PDGFC: variants seen among roughly 807,000 people sequenced by gnomAD.
PDGFC encodes the protein platelet derived growth factor C.
A neutral mutation model predicts 35.5 loss-of-function variants in PDGFC; 12 were observed. That is an observed-to-expected ratio of 0.34 (90% CI 0.22 to 0.55). PDGFC has a LOEUF of 0.55. Among genes scored for constraint, PDGFC ranks in the 20% least tolerant of loss-of-function variants. The pLI is 0.91. For missense variants in PDGFC, 322 were observed against 412.4 expected, an observed-to-expected ratio of 0.78 and a Z score of 1.90; for synonymous variants, 159 against 148.8, an observed-to-expected ratio of 1.07 and a Z score of -0.50.
chr4:156,778,716 A>C (rs970940591), intron 3 of PDGFC, among the ~76,000 whole-genome samples: 2 of 152,198 alleles, frequency 1.3e-5, no homozygotes, highest in African/African-American at 4.8e-5. Context: ...TTTTGTGGCC[A>C]GTGCAATTTT....
chr4:156,826,706 T>C (rs541849844), intron 2 of PDGFC, among the ~76,000 whole-genome samples: 53 of 152,310 alleles, frequency 3.5e-4, no homozygotes, highest in African/African-American at 1.2e-3. Context: ...AGAGAAACAT[T>C]TAAGTAGCAT....
At chr4:156,787,497 C>T (rs1268887350) in intron 3 of PDGFC, among the ~76,000 whole-genome samples, 2 of 152,166 alleles carry the variant, frequency 1.3e-5, no homozygotes, top group Admixed American at 1.3e-4. Flanking sequence ...TGCAACATAA[C>T]TGTCGTGAGC....
chr4:156,800,416 GA>G (rs1418795763), intron 3 of PDGFC, among the ~76,000 whole-genome samples: 3 of 152,074 alleles, frequency 2.0e-5, no homozygotes, highest in Non-Finnish European at 4.4e-5. Flanking sequence ...AGATTCATGT[GA>G]TTTCAAAGTA....
chr4:156,909,747 C>T (rs770980830), intron 1 of PDGFC, among the ~76,000 whole-genome samples: 1 of 152,142 alleles, frequency 6.6e-6, no homozygotes, highest in Non-Finnish European at 1.5e-5. Context: ...GAACAGTATT[C>T]CCTCAAAGAT....
chr4:156,766,683 T>A (rs1395480825), intron 5 of PDGFC, among the ~76,000 whole-genome samples: 2 of 152,154 alleles, frequency 1.3e-5, no homozygotes, highest in African/African-American at 4.8e-5. Context: ...ACTTTTCATA[T>A]GCATAAAGTG....
intron 2 of PDGFC, among the ~76,000 whole-genome samples, chr4:156,816,613 T>G (rs1732094314): frequency 2.0e-5 from 3 of 152,168 alleles, no homozygotes; most frequent in Non-Finnish European, 4.4e-5. Context: ...TCCAGTCTAT[T>G]AGTTACAAAA....
intron 3 of PDGFC, among the ~76,000 whole-genome samples, chr4:156,794,537 G>T (rs141206186): frequency 4.0e-5 from 6 of 151,380 alleles, no homozygotes; most frequent in Admixed American, 4.0e-4. Context: ...GAGGGAGGAA[G>T]GAAGACAGGA....
chr4:156,964,142 T>G (rs998969701), intron 1 of PDGFC, among the ~76,000 whole-genome samples: 1 of 152,004 alleles, frequency 6.6e-6, no homozygotes, highest in Non-Finnish European at 1.5e-5. Context: ...GGTACTTTTA[T>G]CATTGAGATG....
At chr4:156,876,859 G>A (rs995555263) in intron 1 of PDGFC, 2 of 151,888 alleles carry the variant, frequency 1.3e-5, no homozygotes, top group Non-Finnish European at 2.9e-5. Context: ...TATTCGTTAA[G>A]ACACCATCAA....
At chr4:156,794,946 G>A (rs1731402135) in intron 3 of PDGFC, among the ~76,000 whole-genome samples, 1 of 152,068 alleles carries the variant, frequency 6.6e-6, no homozygotes, top group Non-Finnish European at 1.5e-5. Context: ...CAGAACAAAG[G>A]ACAAAGGACA....
At chr4:156,768,836 T>C (rs1221217092) in intron 4 of PDGFC, among the ~76,000 whole-genome samples, 1 of 152,046 alleles carries the variant, frequency 6.6e-6, no homozygotes, top group Non-Finnish European at 1.5e-5. Flanking sequence ...TTTATTGCAG[T>C]AAATCCTCAA....
At chr4:156,867,710 C>G (rs916521861) in intron 1 of PDGFC, among the ~76,000 whole-genome samples, 1 of 152,102 alleles carries the variant, frequency 6.6e-6, no homozygotes, top group South Asian at 2.1e-4. Flanking sequence ...CTGCTGTTCA[C>G]GAACTTGTGA....
Position 156,920,644 on chromosome 4 carries a change from A to AACACAC in PDGFC, c.118+50136_118+50141dup, listed in dbSNP as rs10611712. On this transcript the variant is annotated intron_variant, in intron 1 of 5. Coordinates refer to ENST00000502773, the MANE Select transcript of PDGFC (RefSeq NM_016205.3). ...TTAGAAAAGCTTAACAGGAAAAGAA[A>AACACAC]ACACACACACACACACACACACACA... is the stretch of plus-strand genomic sequence containing the variant. Among the ~76,000 whole-genome samples the AACACAC allele has an allele frequency of 3.3e-3, 440 of 132,040 alleles. 9 individuals are homozygous for AACACAC. The East Asian group carries it at 0.05, about 15-fold the overall frequency. 86.6% of individuals were successfully genotyped at this position (132,040 alleles called of 152,430 possible).
chr4:156,891,132 C>T, intron 1 of PDGFC, among the ~76,000 whole-genome samples: 1 of 151,572 alleles, frequency 6.6e-6, no homozygotes, highest in East Asian at 1.9e-4. Context: ...CTGTAGGCAA[C>T]TGTAATACAA....
intron 3 of PDGFC, among the ~76,000 whole-genome samples, chr4:156,808,321 C>T (rs1731828620): frequency 6.6e-6 from 1 of 151,984 alleles, no homozygotes. Flanking sequence ...CTACTATAAA[C>T]TAGTAGTTAA....
chr4:156,945,817 C>T (rs1313250239), intron 1 of PDGFC, among the ~76,000 whole-genome samples: 1 of 151,878 alleles, frequency 6.6e-6, no homozygotes, highest in East Asian at 1.9e-4. Flanking sequence ...CCACTCTCTC[C>T]CTCTATTATA....
intron 3 of PDGFC, among the ~76,000 whole-genome samples, chr4:156,807,871 T>G (rs965533226): frequency 6.6e-6 from 1 of 152,038 alleles, no homozygotes; most frequent in African/African-American, 2.4e-5. Flanking sequence ...AAATATTCAT[T>G]GGGTTGATTA....
At chr4:156,885,094 C>T (rs577946940) in intron 1 of PDGFC, among the ~76,000 whole-genome samples, 5 of 151,944 alleles carry the variant, frequency 3.3e-5, no homozygotes, top group Admixed American at 6.6e-5. Context: ...GAATGAATGT[C>T]GTAACCTAGG....
chr4:156,827,999 A>C (rs912343148), intron 2 of PDGFC, among the ~76,000 whole-genome samples: 3 of 152,222 alleles, frequency 2.0e-5, no homozygotes, highest in Non-Finnish European at 2.9e-5. Flanking sequence ...TCCTCCGAAC[A>C]TGCAGGCCAA....
Sources: allele counts gnomAD v4.1 joint callset (sites outside exome capture counted in the v4.1 genomes callset), GRCh38; gene constraint gnomAD v4.1.1; transcripts MANE v1.5; gene names NCBI Gene and HGNC (gene_info 2026-07-23, HGNC 2026-07-21).